Variants in PATJ observed in about 807,000 individuals in gnomAD.
PATJ encodes the protein PATJ crumbs cell polarity complex component.
Under a neutral mutation model 224.9 loss-of-function variants are expected in PATJ, and 190 were observed. The ratio of observed to expected loss-of-function variants is 0.84; its 90% CI spans 0.75 to 0.95. PATJ has a LOEUF of 0.95. PATJ is among the 40% of genes least tolerant of loss of function. The pLI is 0.00. For synonymous variants in PATJ, 769 were observed against 820.3 expected, an observed-to-expected ratio of 0.94 and a Z score of 1.07; for missense variants, 2,121 against 2,270.3, an observed-to-expected ratio of 0.93 and a Z score of 1.34.
chr1:62,064,097 T>C (rs925759804), intron 31 of PATJ, among the ~76,000 whole-genome samples: 9 of 152,194 alleles, frequency 5.9e-5, no homozygotes, highest in African/African-American at 2.2e-4. Context: ...AGAGGAATGC[T>C]TCCAGCTTTT....
intron 22 of PATJ, among the ~76,000 whole-genome samples, chr1:61,887,188 T>G (rs984377534): frequency 6.6e-5 from 10 of 152,038 alleles, no homozygotes; most frequent in African/African-American, 2.4e-4. Flanking sequence ...TTAAATATAG[T>G]CTGTGGAGAT....
At chr1:62,014,413 C>T (rs184075009) in intron 28 of PATJ, among the ~76,000 whole-genome samples, 8 of 151,892 alleles carry the variant, frequency 5.3e-5, no homozygotes, top group Admixed American at 2.6e-4. Context: ...TATAAATTAA[C>T]GAGATTGGAA....
intron 6 of PATJ, among the ~76,000 whole-genome samples, chr1:61,772,635 C>T (rs1020942447): frequency 2.0e-5 from 3 of 152,242 alleles, no homozygotes; most frequent in Non-Finnish European, 4.4e-5. Context: ...TAGGCATTTT[C>T]CCTGTTGTAA....
chr1:62,012,832 G>A (rs1019222457), intron 28 of PATJ, among the ~76,000 whole-genome samples: 3 of 152,186 alleles, frequency 2.0e-5, no homozygotes, highest in East Asian at 1.9e-4. Flanking sequence ...TATTTTTAAG[G>A]CCATAAAAGA....
At chr1:62,152,911 G>A (rs907589658) in intron 42 of PATJ, among the ~76,000 whole-genome samples, 8 of 152,030 alleles carry the variant, frequency 5.3e-5, no homozygotes, top group African/African-American at 1.9e-4. Context: ...GGTAGAGGCA[G>A]GCAGATCACT....
At chr1:62,042,313 C>CT (rs1286427205) in intron 30 of PATJ, among the ~76,000 whole-genome samples, 2 of 152,144 alleles carry the variant, frequency 1.3e-5, no homozygotes, top group Non-Finnish European at 2.9e-5. Context: ...GTGGTAACTG[C>CT]TACCAAATGA....
At chr1:61,821,662 A>G (rs1020181860) in intron 14 of PATJ, among the ~76,000 whole-genome samples, 1 of 152,220 alleles carries the variant, frequency 6.6e-6, no homozygotes, top group Non-Finnish European at 1.5e-5. Context: ...GAAGAGGAAG[A>G]GAGCCACATG....
rs756148660 is a variant in PATJ at position 61,763,134 on chromosome 1, C to T, written c.144C>T (p.Asn48=). The change falls in exon 3 of 44, where the codon AAC becomes AAT. Residue 48 remains asparagine (N), a synonymous_variant. Transcript: ENST00000642238. ...FYETLKSPLF[N]QILTLQQSIK... is the part of the protein sequence containing the mutation. ...AGACACTAAAGAGTCCTCTCTTCAA[C>T]CAGATACTCACACTTCAGCAGTCCA... 37 of 1,606,510 alleles carry T rather than the reference C, an allele frequency of 2.3e-5. 1 individual carries two copies. Among genetic ancestry groups the T allele is most frequent in the Non-Finnish European group, 3.0e-5 (35 of 1,175,848 alleles).
At chr1:62,137,470 A>G (rs77602456) in intron 41 of PATJ, among the ~76,000 whole-genome samples, 33 of 10,236 alleles carry the variant, frequency 3.2e-3, no homozygotes, top group Admixed American at 0.011. Flanking sequence ...GGGGCACAGC[A>G]GCCTGAGGGG....
intron 28 of PATJ, among the ~76,000 whole-genome samples, chr1:62,008,989 T>G (rs910696507): frequency 2.6e-5 from 4 of 152,184 alleles, no homozygotes; most frequent in African/African-American, 7.2e-5. Context: ...TATTCTTCCT[T>G]TATATCATTC....
chr1:62,117,852 C>T (rs1055241548), intron 37 of PATJ, among the ~76,000 whole-genome samples: 2 of 152,118 alleles, frequency 1.3e-5, no homozygotes, highest in African/African-American at 4.8e-5. Context: ...CCATGTGGTA[C>T]ATAATGAGAC....
intron 8 of PATJ, 110 bp downstream of exon 8, chr1:61,788,082 C>A (rs180766530): frequency 5.3e-6 from 4 of 750,238 alleles, no homozygotes; most frequent in East Asian, 2.8e-5. Context: ...GTTGTGCGCT[C>A]ACTAGTGAAA....
At chr1:62,147,376 C>A (rs2149025299) in intron 41 of PATJ, among the ~76,000 whole-genome samples, 1 of 152,248 alleles carries the variant, frequency 6.6e-6, no homozygotes, top group East Asian at 1.9e-4. Context: ...TAGTTGAAGG[C>A]CGGGCACAGG....
chr1:61,814,324 G>C (rs1473157739), intron 14 of PATJ, among the ~76,000 whole-genome samples: 1 of 151,554 alleles, frequency 6.6e-6, no homozygotes, highest in East Asian at 1.9e-4. Context: ...TTGTATTTTT[G>C]TAAAGACGGG....
chr1:62,093,737 C>T (rs548860859), intron 33 of PATJ, among the ~76,000 whole-genome samples: 1 of 152,140 alleles, frequency 6.6e-6, no homozygotes, highest in South Asian at 2.1e-4. Context: ...TAAATAATAA[C>T]CAAATGGAAC....
intron 41 of PATJ, among the ~76,000 whole-genome samples, chr1:62,145,467 G>A (rs1667948392): frequency 6.6e-6 from 1 of 152,062 alleles, no homozygotes; most frequent in African/African-American, 2.4e-5. Flanking sequence ...TTTAAGACCA[G>A]CCTGAGCAAC....
At chr1:61,936,570 T>G (rs944150915) in intron 27 of PATJ, among the ~76,000 whole-genome samples, 12 of 151,998 alleles carry the variant, frequency 7.9e-5, no homozygotes, top group Non-Finnish European at 1.3e-4. Context: ...ATATATGAAT[T>G]GTACTTCTAT....
rs564739812 is a variant in PATJ at position 62,047,279 on chromosome 1, C to T, written c.4033-3687C>T. Among the ~76,000 whole-genome samples, 5 of 152,232 alleles carry T rather than the reference C, an allele frequency of 3.3e-5. No homozygotes were observed. The South Asian group carries it at 6.2e-4, about 19-fold the overall frequency. On this transcript the variant is annotated intron_variant, in intron 30 of 43. Transcript: ENST00000642238. Reference sequence around the variant, plus strand: ...ATTAGCTATTTCTCTTTTTTTGAGACGGAGTCTCTCTCTGTTGCCCAGGCT... The same window carrying T: ...ATTAGCTATTTCTCTTTTTTTGAGATGGAGTCTCTCTCTGTTGCCCAGGCT...
chr1:61,929,757 C>T (rs113843551), intron 27 of PATJ, among the ~76,000 whole-genome samples: 10 of 152,248 alleles, frequency 6.6e-5, no homozygotes, highest in African/African-American at 2.4e-4. Context: ...CAGTGGCTCA[C>T]GCCTGTAATT....
Sources: allele counts gnomAD v4.1 joint callset (sites outside exome capture counted in the v4.1 genomes callset), GRCh38; gene constraint gnomAD v4.1.1; transcripts MANE v1.5; gene names NCBI Gene and HGNC (gene_info 2026-07-23, HGNC 2026-07-21).